The following OR13A1 variants were observed in gnomAD, a reference collection of about 807,000 sequenced individuals.
OR13A1 encodes olfactory receptor family 13 subfamily A member 1.
OR13A1 carries 10 observed loss-of-function variants against 7.5 expected under a neutral mutation model. The observed-to-expected ratio is 1.34, with a 90% CI of 0.83 to 2.27. The LOEUF (loss-of-function observed/expected upper bound fraction) is 2.27, where lower values mean the gene tolerates loss of function less well. Ranked by LOEUF, OR13A1 falls within the 30% of genes most tolerant of loss-of-function variation. The pLI is 0.00. For synonymous variants in OR13A1, 238 were observed against 177.9 expected (o/e 1.34, Z -2.69); for missense variants, 509 against 419.1 (o/e 1.21, Z -1.87).
chr10:45,304,324 C>T lies in OR13A1; in HGVS notation c.99G>A (p.Gln33=), dbSNP rs780682418. Residue 33 remains glutamine (Q), a synonymous_variant, in exon 4 of 4, where the codon CAG becomes CAA. Transcript: ENST00000553795. ...NQTLVTEFIL[Q]GFSEHPEYRV... ...GGTATTCTGGGTGCTCCGAAAAGCC[C>T]TGCAGGATGAACTCGGTTACCAACG... 2 of 1,614,168 alleles carry T rather than the reference C, an allele frequency of 1.2e-6. No individual in the cohort carries two copies. The highest frequency in any genetic ancestry group is 1.7e-6 in the Non-Finnish European group (2 of 1,180,036).
At chr10:45,309,336 C>T (rs980560828) in intron 1 of OR13A1, among the ~76,000 whole-genome samples, 2 of 152,132 alleles carry the variant, frequency 1.3e-5, no homozygotes, top group African/African-American at 4.8e-5. Flanking sequence ...TGGCCTCTCC[C>T]TGTCCCTCAT....
chr10:45,307,639 A>G (rs1838360922), intron 2 of OR13A1, 72 bp from the exon 3 acceptor site: 1 of 152,222 alleles, frequency 6.6e-6, no homozygotes, highest in Non-Finnish European at 1.5e-5. Flanking sequence ...CCAGCATTAC[A>G]AGAGTATTAC....
At position 45,315,552 on chromosome 10, in the gene OR13A1, T is replaced by G. The variant is rs532973403; in HGVS notation, c.-253A>C. The G allele has an allele frequency of 7.2e-5, 11 of 152,312 alleles. No homozygotes were observed. Among genetic ancestry groups the G allele is most frequent in the African/African-American group, 2.6e-4 (11 of 41,574 alleles). The allele number at this position is 152,312 out of a possible 1,614,324, so 9.4% of individuals were successfully genotyped here. ...CAATGGTAAAAGATTCAAACTTTTC[T>G]TCTGGATTAGGAACAAGACAAGTAT... On this transcript the variant is annotated 5_prime_UTR_variant, in exon 1 of 4. Coordinates refer to ENST00000553795, the MANE Select transcript of OR13A1 (RefSeq NM_001004297.3).
At chr10:45,314,697 C>A (rs1435963689) in intron 1 of OR13A1, among the ~76,000 whole-genome samples, 3 of 151,876 alleles carry the variant, frequency 2.0e-5, no homozygotes, top group East Asian at 3.9e-4. Flanking sequence ...AAAAAAGATT[C>A]AACTAATAAA....
Position 45,304,322 on chromosome 10 carries a change from C to T in OR13A1, c.101G>A (p.Gly34Asp). 2 of 1,614,130 alleles carry T rather than the reference C, an allele frequency of 1.2e-6. No individual in the cohort carries two copies. The highest frequency in any genetic ancestry group is 2.2e-5 in the South Asian group (2 of 91,084). ...QTLVTEFILQ[G>D]FSEHPEYRVF... ...CCGGTATTCTGGGTGCTCCGAAAAG[C>T]CCTGCAGGATGAACTCGGTTACCAA... is the stretch of plus-strand genomic sequence containing the variant. The change falls in exon 4 of 4, where the codon GGC becomes GAC. Residue 34 changes from glycine to aspartate, a missense_variant. Transcript: ENST00000553795.
At chr10:45,305,579 A>G (rs1838311912) in intron 3 of OR13A1, among the ~76,000 whole-genome samples, 1 of 152,188 alleles carries the variant, frequency 6.6e-6, no homozygotes, top group Admixed American at 6.5e-5. Context: ...ATGGCTTCCC[A>G]TTGCCAAAAG....
chr10:45,313,065 A>G (rs59653264), intron 1 of OR13A1, among the ~76,000 whole-genome samples: 4,283 of 152,224 alleles, frequency 0.028, 219 homozygotes, highest in African/African-American at 0.098. Context: ...TAGAATTTAC[A>G]AGACAAAAGC....
intron 1 of OR13A1, among the ~76,000 whole-genome samples, chr10:45,309,052 GA>G (rs1045001240): frequency 7.2e-5 from 11 of 152,304 alleles, no homozygotes; most frequent in Admixed American, 6.5e-4. Flanking sequence ...GGGGTTCACA[GA>G]AAGGCCAATT....
Position 45,304,316 on chromosome 10 carries a change from G to A in OR13A1, c.107C>T (p.Ser36Leu), listed in dbSNP as rs768391067. 15 of 1,614,130 alleles carry A rather than the reference G, an allele frequency of 9.3e-6. No individual in the cohort carries two copies. The highest frequency in any genetic ancestry group is 3.3e-5 in the Admixed American group (2 of 60,022). ...LVTEFILQGF[S>L]EHPEYRVFLF... Reference sequence around the variant, plus strand: ...GAACACCCGGTATTCTGGGTGCTCCGAAAAGCCCTGCAGGATGAACTCGGT... The same window carrying A: ...GAACACCCGGTATTCTGGGTGCTCCAAAAAGCCCTGCAGGATGAACTCGGT... Residue 36 changes from serine (S) to leucine (L), a missense_variant, in exon 4 of 4, where the codon TCG becomes TTG. Coordinates refer to ENST00000553795, the MANE Select transcript of OR13A1 (RefSeq NM_001004297.3).
Position 45,314,947 on chromosome 10 carries a change from C to G in OR13A1, c.-225+577G>C, listed in dbSNP as rs1002669010. Reference sequence around the variant, plus strand: ...CTCCAAACAAACAACAGCCCAGAACCGGATGACTACCAAACATTTAAGGAA... The same window carrying G: ...CTCCAAACAAACAACAGCCCAGAACGGGATGACTACCAAACATTTAAGGAA... On this transcript the variant is annotated intron_variant, in intron 1 of 3. Transcript: ENST00000553795. 2.6e-5 allele frequency among the ~76,000 whole-genome samples: 4 copies of G among 152,216 alleles called. No individual in the cohort carries two copies. In the South Asian group the frequency reaches 8.3e-4, roughly 32 times the overall value.
chr10:45,304,795 A>T (rs946883438), intron 3 of OR13A1, among the ~76,000 whole-genome samples: 10 of 152,344 alleles, frequency 6.6e-5, no homozygotes, highest in African/African-American at 1.9e-4. Flanking sequence ...CCTCTTCCAG[A>T]AATGTATCCT....
At chr10:45,313,480 G>A (rs549255977) in intron 1 of OR13A1, among the ~76,000 whole-genome samples, 47 of 152,094 alleles carry the variant, frequency 3.1e-4, no homozygotes, top group Admixed American at 1.7e-3. Flanking sequence ...TGAATCAAAA[G>A]ATATAGACTG....
At chr10:45,309,575 C>G (rs988113428) in intron 1 of OR13A1, among the ~76,000 whole-genome samples, 4 of 152,042 alleles carry the variant, frequency 2.6e-5, no homozygotes, top group Admixed American at 1.3e-4. Flanking sequence ...AGTTACTGGT[C>G]ATGTGACTTT....
chr10:45,304,445 A>T lies in OR13A1; in HGVS notation c.-12-11T>A, dbSNP rs745684199. 2.8e-5 allele frequency: 45 copies of T among 1,595,454 alleles called. No homozygotes were observed. Among genetic ancestry groups the T allele is most frequent in the Non-Finnish European group, 3.8e-5 (44 of 1,170,628 alleles). ...CATGTGATTTCAGAGCTAGAGAGAT[A>T]AACAAGAGGTGTCCTGAGGAAGGCT... On this transcript the variant is annotated splice_polypyrimidine_tract_variant and intron_variant, in intron 3 of 3. Transcript: ENST00000553795.
rs190591591 is a variant in OR13A1, at chr10:45,310,727, C to T, written c.-224-2919G>A. On this transcript the variant is annotated intron_variant, in intron 1 of 3. Transcript: ENST00000553795. ...AAGTAAGAATGAATTGTATATGTTA[C>T]TCCCGAGAACTGAGATTCGAGGAAG... Among the ~76,000 whole-genome samples, 7 of 152,040 alleles carry T rather than the reference C, an allele frequency of 4.6e-5. 1 individual carries two copies. Among genetic ancestry groups the T allele is most frequent in the African/African-American group, 1.7e-4 (7 of 41,476 alleles).
Position 45,303,538 on chromosome 10 carries a change from C to A in OR13A1, c.885G>T (p.Leu295=). The A allele has an allele frequency of 4.3e-6, 7 of 1,614,086 alleles. No individual in the cohort carries two copies. The highest frequency in any genetic ancestry group is 5.9e-6 in the Non-Finnish European group (7 of 1,180,030). Residue 295 remains leucine, a synonymous_variant, in exon 4 of 4, where the codon CTG becomes CTT. Transcript: ENST00000553795. ...SAGKSKLAGL[L]YTVLSPTLNP... The stretch of plus-strand genomic sequence containing the variant: ...TGAGGGTAGGACTCAGCACAGTGTA[C>A]AGCAGGCCAGCCAACTTGCTCTTCC...
chr10:45,306,425 C>T (rs1564534228), intron 3 of OR13A1, among the ~76,000 whole-genome samples: 1 of 147,692 alleles, frequency 6.8e-6, no homozygotes, highest in Admixed American at 6.8e-5. Flanking sequence ...TGCACTCCAG[C>T]CTGGGTGACA....
intron 1 of OR13A1, among the ~76,000 whole-genome samples, chr10:45,309,469 G>C (rs562441427): frequency 6.6e-6 from 1 of 152,046 alleles, no homozygotes; most frequent in Non-Finnish European, 1.5e-5. Flanking sequence ...CACTCTGTCT[G>C]CTGAGTCTCT....
At chr10:45,308,426 A>G (rs779063420) in intron 1 of OR13A1, among the ~76,000 whole-genome samples, 1 of 152,228 alleles carries the variant, frequency 6.6e-6, no homozygotes, top group African/African-American at 2.4e-5. Flanking sequence ...AAGAAAAGCC[A>G]TGAAAAAGAA....
Sources: gnomAD v4.1 joint callset for allele counts (sites outside exome capture counted in the v4.1 genomes callset) on GRCh38, gnomAD v4.1.1 for gene constraint, MANE v1.5 for transcripts, NCBI Gene and HGNC (gene_info 2026-07-23, HGNC 2026-07-21) for gene names.